HTT: variants seen among roughly 807,000 people sequenced by gnomAD.
HTT encodes the protein huntingtin.
In HTT, 104 loss-of-function variants were observed where a neutral mutation model predicts 362.3. The ratio of observed to expected loss-of-function variants is 0.29; its 90% CI spans 0.24 to 0.34. The LOEUF is 0.34. HTT is among the 10% of genes least tolerant of loss of function. The probability of loss-of-function intolerance (pLI) is 1.00; values close to 1 mark genes in which losing one functional copy is unlikely to be tolerated. For synonymous variants in HTT, 1,577 were observed against 1,548.7 expected, an observed-to-expected ratio of 1.02 and a Z score of -0.43; for missense variants, 3,301 against 3,928.6, an observed-to-expected ratio of 0.84 and a Z score of 4.27.
intron 26 of HTT, among the ~76,000 whole-genome samples, chr4:3,152,334 G>T (rs1347755534): frequency 6.6e-6 from 1 of 152,130 alleles, no homozygotes; most frequent in Non-Finnish European, 1.5e-5. Flanking sequence ...TTGTGACCTC[G>T]TGATTAGCCC....
At chr4:3,184,170 A>G (rs534688615) in intron 37 of HTT, among the ~76,000 whole-genome samples, 2 of 152,176 alleles carry the variant, frequency 1.3e-5, no homozygotes, top group South Asian at 2.1e-4. Context: ...ATCTGGTGAC[A>G]TTTGAGTGAA....
chr4:3,161,404 T>C (rs908652890), intron 29 of HTT, among the ~76,000 whole-genome samples: 4 of 152,192 alleles, frequency 2.6e-5, no homozygotes, highest in South Asian at 2.1e-4. Flanking sequence ...GTCTTTATCG[T>C]AGAATGATTT....
Position 3,122,956 on chromosome 4 carries a change from G to A in HTT, c.1321+20G>A, listed in dbSNP as rs763447375. The A allele has an allele frequency of 8.1e-6, 13 of 1,598,808 alleles. No individual in the cohort carries two copies. The African/African-American group carries it at 1.2e-4, about 15-fold the overall frequency. On this transcript the variant is annotated intron_variant, in intron 10 of 66. Coordinates refer to ENST00000355072, the MANE Select transcript of HTT (RefSeq NM_001388492.1). Reference sequence around the variant, plus strand: ...AAAAAGGTGATTATTTCAGAAATCAGAGTCTTGTGTTGAATCTTACTGATT... The same window carrying A: ...AAAAAGGTGATTATTTCAGAAATCAAAGTCTTGTGTTGAATCTTACTGATT...
chr4:3,207,081 A>T, intron 44 of HTT, 98 bp downstream of exon 44: 1 of 1,248,716 alleles, frequency 8.0e-7, no homozygotes, highest in South Asian at 1.5e-5. Context: ...TATGGTCTTG[A>T]CATGGTCACC....
In HTT at chr4:3,230,004, G is replaced by A; in HGVS notation, c.8227G>A (p.Val2743Met). Residue 2743 changes from valine (V) to methionine (M), a missense_variant, in exon 60 of 67, where the codon GTG (valine) becomes ATG (methionine). By Grantham distance (21) the Val-to-Met change is conservative (BLOSUM62 1). This residue lies in a region of HTT where 753 missense variants were observed against 1,021.3 expected (regional missense o/e 0.74). Coordinates refer to ENST00000355072, the MANE Select transcript of HTT (RefSeq NM_001388492.1). ...SEDEILAQYL[V>M]PATCKAAAVL... Reference sequence around the variant, plus strand: ...AGACGAGATCCTCGCTCAGTACCTGGTGCCTGCCACCTGCAAGGCAGCTGC... The same window carrying A: ...AGACGAGATCCTCGCTCAGTACCTGATGCCTGCCACCTGCAAGGCAGCTGC... 6.2e-7 allele frequency: 1 copy of A among 1,613,978 alleles called. No homozygotes were observed. The highest frequency in any genetic ancestry group is 8.5e-7 in the Non-Finnish European group (1 of 1,179,842).
chr4:3,181,255 C>T (rs1038300616), intron 36 of HTT, among the ~76,000 whole-genome samples: 3 of 152,122 alleles, frequency 2.0e-5, no homozygotes, highest in African/African-American at 7.2e-5. Flanking sequence ...CGAGATCGTT[C>T]AAGATAGTGA....
chr4:3,235,459 T>C (rs1721482993), intron 62 of HTT, 61 bp downstream of exon 62: 1 of 1,507,150 alleles, frequency 6.6e-7, no homozygotes, highest in African/African-American at 1.4e-5. Context: ...TCTCTTTTCC[T>C]TGCAGGATCA....
chr4:3,154,568 T>C (rs1717054534), intron 27 of HTT, 149 bp downstream of exon 27: 1 of 1,117,190 alleles, frequency 9.0e-7, no homozygotes. Flanking sequence ...GTTCAAGATA[T>C]TAGAAACTAA....
At chr4:3,119,998 G>A (rs534402729) in intron 8 of HTT, among the ~76,000 whole-genome samples, 7 of 152,200 alleles carry the variant, frequency 4.6e-5, no homozygotes, top group African/African-American at 7.2e-5. Flanking sequence ...GCTCTGTTCC[G>A]GTGAAACTTT....
At chr4:3,108,684 CT>C (rs1410767464) in intron 6 of HTT, among the ~76,000 whole-genome samples, 2 of 152,120 alleles carry the variant, frequency 1.3e-5, no homozygotes, top group Non-Finnish European at 2.9e-5. Flanking sequence ...TAATTACTTC[CT>C]TCCTGAACCT....
chr4:3,172,761 A>T, intron 30 of HTT, 147 bp from the exon 31 acceptor site: 1 of 662,630 alleles, frequency 1.5e-6, no homozygotes, highest in Non-Finnish European at 2.7e-6. Context: ...CTCATGAGGT[A>T]TTAATAGTGA....
At chr4:3,112,480 CTG>C (rs1560552401) in intron 6 of HTT, among the ~76,000 whole-genome samples, 1 of 152,188 alleles carries the variant, frequency 6.6e-6, no homozygotes, top group Non-Finnish European at 1.5e-5. Context: ...ATTCCAGAGT[CTG>C]TTTTTAAATT....
chr4:3,169,411 G>C (rs943175017), intron 29 of HTT, among the ~76,000 whole-genome samples: 2 of 152,074 alleles, frequency 1.3e-5, no homozygotes, highest in Non-Finnish European at 2.9e-5. Flanking sequence ...TGATTGCTTA[G>C]TGTTGTCCCA....
intron 50 of HTT, among the ~76,000 whole-genome samples, chr4:3,214,738 C>T (rs1276986116): frequency 2.6e-5 from 4 of 152,120 alleles, no homozygotes; most frequent in Admixed American, 1.3e-4. Context: ...GCATTTGTAG[C>T]CAACTTGAAA....
Position 3,121,409 on chromosome 4 carries a change from G to T in HTT, c.1250G>T (p.Ser417Ile). ...GAGGAGTCTGGTGGCCGAAGCCGTA[G>T]TGGGAGTATTGTGGAACTTATAGGC... ...AKEESGGRSR[S>I]GSIVELIAGG... Residue 417 changes from serine to isoleucine, a missense_variant, in exon 9 of 67, where the codon AGT becomes ATT. Physicochemically the swap from Ser to Ile is moderately radical, Grantham distance 142 (BLOSUM62 -2). Around this residue, in one of 4 missense-constraint regions of HTT, gnomAD observed 2,316 missense variants for 2,658.5 expected, o/e 0.87. Transcript: ENST00000355072. 6.2e-7 allele frequency: 1 copy of T among 1,613,932 alleles called. No individual in the cohort carries two copies. Among genetic ancestry groups the T allele is most frequent in the Non-Finnish European group, 8.5e-7 (1 of 1,179,816 alleles).
At chr4:3,235,432 G>A (rs757474010) in intron 62 of HTT, 34 bp downstream of exon 62, 27 of 1,513,348 alleles carry the variant, frequency 1.8e-5, no homozygotes, top group East Asian at 1.1e-4. Flanking sequence ...CTCTGCACAC[G>A]GGGAGTGGGC....
chr4:3,088,079 T>C (rs1218004971), intron 2 of HTT, among the ~76,000 whole-genome samples: 4 of 152,150 alleles, frequency 2.6e-5, no homozygotes, highest in Non-Finnish European at 5.9e-5. Context: ...TTAGGTGATC[T>C]GCCCGCCTCA....
chr4:3,115,829 G>A (rs1223143194), intron 7 of HTT, among the ~76,000 whole-genome samples: 3 of 152,230 alleles, frequency 2.0e-5, no homozygotes, highest in Non-Finnish European at 4.4e-5. Flanking sequence ...ACACTGGCAA[G>A]TGCTGAAGCG....
rs362304 is a variant in HTT at position 3,240,545 on chromosome 4, C to A, written c.*486C>A. On this transcript the variant is annotated 3_prime_UTR_variant, in exon 67 of 67. Coordinates refer to ENST00000355072, the MANE Select transcript of HTT (RefSeq NM_001388492.1). Reference sequence around the variant, plus strand: ...TGTCTGGATGCACAGATGCCATGGCCTGTGCTGGGCCAGTGGCTGGGGGTG... The same window carrying A: ...TGTCTGGATGCACAGATGCCATGGCATGTGCTGGGCCAGTGGCTGGGGGTG... The A allele has an allele frequency of 0.18, 30,967 of 170,884 alleles. 4,193 individuals carry two copies. The highest frequency in any genetic ancestry group is 0.4 in the African/African-American group (16,762 of 41,860). 10.6% of individuals were successfully genotyped at this position (170,884 alleles called of 1,614,324 possible). A position where few individuals can be genotyped will look rare whatever the true frequency, so the allele number is the denominator to read the frequency against.
Sources: allele counts gnomAD v4.1 joint callset (sites outside exome capture counted in the v4.1 genomes callset), GRCh38; gene constraint gnomAD v4.1.1; regional missense constraint gnomAD v4.1.1; transcripts MANE v1.5; gene names NCBI Gene and HGNC (gene_info 2026-07-23, HGNC 2026-07-21).